CPA6: variants seen among roughly 807,000 people sequenced by gnomAD.
CPA6 encodes the protein carboxypeptidase B.
In CPA6, 58 loss-of-function variants were observed where a neutral mutation model predicts 63.3. The observed-to-expected ratio is 0.92, with a 90% confidence interval of 0.74 to 1.14. The LOEUF is 1.14. Among genes scored for constraint, CPA6 ranks in the 50% most tolerant of loss-of-function variants. The probability of loss-of-function intolerance (pLI) is 0.00; values close to 1 mark genes in which losing one functional copy is unlikely to be tolerated. For missense variants in CPA6, 565 were observed against 526.6 expected (o/e 1.07, Z -0.71); for synonymous variants, 185 against 179.0 (o/e 1.03, Z -0.27).
chr8:67,538,203 G>T (rs1812628804), intron 2 of CPA6, among the ~76,000 whole-genome samples: 1 of 152,150 alleles, frequency 6.6e-6, no homozygotes, highest in African/African-American at 2.4e-5. Flanking sequence ...TATTAGGTCT[G>T]CTTTGTCCAG....
At chr8:67,718,137 C>T (rs948613827) in intron 1 of CPA6, among the ~76,000 whole-genome samples, 6 of 152,114 alleles carry the variant, frequency 3.9e-5, no homozygotes, top group Non-Finnish European at 8.8e-5. Context: ...TCTGGGTCTA[C>T]CATTTTCTAG....
chr8:67,634,681 C>A (rs1037083024), intron 1 of CPA6, among the ~76,000 whole-genome samples: 3 of 151,510 alleles, frequency 2.0e-5, no homozygotes, highest in African/African-American at 7.3e-5. Context: ...TGAACCACTG[C>A]ATATTTTTTT....
In CPA6 at chr8:67,522,964, G is replaced by A. The variant is rs866998420; in HGVS notation, c.193-4917C>T. Among the ~76,000 whole-genome samples, 6 of 152,338 alleles carry A rather than the reference G, an allele frequency of 3.9e-5. No homozygotes were observed. In the East Asian group the frequency reaches 7.7e-4, roughly 20 times the overall value. On this transcript the variant is annotated intron_variant, in intron 2 of 10. Transcript: ENST00000297770. The stretch of plus-strand genomic sequence containing the variant: ...GATTTCTGGCTGACAAAGTGGTACC[G>A]AAGGAATCCTATAATAGTAGTAGTT...
intron 1 of CPA6, among the ~76,000 whole-genome samples, chr8:67,729,802 A>T (rs1817672284): frequency 6.6e-6 from 1 of 152,236 alleles, no homozygotes; most frequent in Admixed American, 6.5e-5. Flanking sequence ...AGGAGATGTA[A>T]ATCACCACTT....
rs936223013 is a variant in CPA6, at chr8:67,667,605, G to A, written c.117-43354C>T. ...TTTTGCAGATTTAAAGGGAGGATCG[G>A]CAAGGTTAGGTGACATCTGAGGGGG... On this transcript the variant is annotated intron_variant, in intron 1 of 10. Transcript: ENST00000297770. Among the ~76,000 whole-genome samples, 5 of 152,260 alleles carry A rather than the reference G, an allele frequency of 3.3e-5. No individual in the cohort carries two copies. In the East Asian group the frequency reaches 7.7e-4, roughly 23 times the overall value.
intron 8 of CPA6, among the ~76,000 whole-genome samples, chr8:67,474,395 G>C (rs1388704914): frequency 6.6e-6 from 1 of 151,790 alleles, no homozygotes. Flanking sequence ...CTAATTTTTT[G>C]TATTTTTAGT....
At chr8:67,615,035 G>A (rs576477970) in intron 2 of CPA6, among the ~76,000 whole-genome samples, 2 of 152,232 alleles carry the variant, frequency 1.3e-5, no homozygotes, top group Admixed American at 6.5e-5. Context: ...AATTCTTTTA[G>A]GTTATCGATA....
At chr8:67,489,210 G>T (rs552729958) in intron 6 of CPA6, among the ~76,000 whole-genome samples, 69 of 151,920 alleles carry the variant, frequency 4.5e-4, no homozygotes, top group African/African-American at 1.6e-3. Flanking sequence ...TTCCTAAAAT[G>T]CTGGGATTAC....
intron 2 of CPA6, among the ~76,000 whole-genome samples, chr8:67,584,439 G>C (rs760890098): frequency 7.9e-5 from 12 of 152,164 alleles, no homozygotes; most frequent in Non-Finnish European, 7.3e-5. Context: ...GTGAAGGAAT[G>C]CTAGGAGTGG....
chr8:67,590,833 G>A (rs1218845500), intron 2 of CPA6, among the ~76,000 whole-genome samples: 1 of 151,256 alleles, frequency 6.6e-6, no homozygotes, highest in Non-Finnish European at 1.5e-5. Flanking sequence ...CATTTTGTAG[G>A]TTGCCTGTTC....
intron 6 of CPA6, among the ~76,000 whole-genome samples, chr8:67,486,792 A>T (rs1252940373): frequency 6.6e-6 from 1 of 152,170 alleles, no homozygotes; most frequent in Non-Finnish European, 1.5e-5. Flanking sequence ...TAAAACAAAG[A>T]TACACTAAGA....
At chr8:67,467,151 A>T (rs1810944692) in intron 8 of CPA6, among the ~76,000 whole-genome samples, 1 of 152,046 alleles carries the variant, frequency 6.6e-6, no homozygotes, top group South Asian at 2.1e-4. Flanking sequence ...CTGTTTCTTT[A>T]TAATGTATTT....
At chr8:67,431,593 A>G (rs1302844620) in intron 9 of CPA6, among the ~76,000 whole-genome samples, 1 of 152,126 alleles carries the variant, frequency 6.6e-6, no homozygotes, top group Non-Finnish European at 1.5e-5. Flanking sequence ...AAACAGACAC[A>G]GTGCCCACGT....
chr8:67,487,149 C>T (rs1811496699), intron 6 of CPA6, among the ~76,000 whole-genome samples: 1 of 152,118 alleles, frequency 6.6e-6, no homozygotes, highest in Admixed American at 6.6e-5. Context: ...TGGTTTGCTG[C>T]ACCCATTAAC....
At chr8:67,445,338 G>T (rs1810387886) in intron 8 of CPA6, among the ~76,000 whole-genome samples, 1 of 152,148 alleles carries the variant, frequency 6.6e-6, no homozygotes, top group African/African-American at 2.4e-5. Context: ...GTGAATGGGT[G>T]GAATCAGCAA....
At chr8:67,713,393 TAGAG>T (rs1817313547) in intron 1 of CPA6, among the ~76,000 whole-genome samples, 1 of 152,098 alleles carries the variant, frequency 6.6e-6, no homozygotes, top group Non-Finnish European at 1.5e-5. Context: ...GAAGCCTAAA[TAGAG>T]AGAACCTGAT....
chr8:67,547,724 G>T (rs151131796), intron 2 of CPA6, among the ~76,000 whole-genome samples: 1 of 151,896 alleles, frequency 6.6e-6, no homozygotes, highest in Non-Finnish European at 1.5e-5. Flanking sequence ...TGAACTCCTG[G>T]GCTCATGCAA....
intron 1 of CPA6, among the ~76,000 whole-genome samples, chr8:67,678,742 T>C (rs1816531848): frequency 6.6e-6 from 1 of 152,206 alleles, no homozygotes; most frequent in Non-Finnish European, 1.5e-5. Flanking sequence ...GACTCAGCAA[T>C]TCATACCATA....
chr8:67,719,487 G>C (rs1186236550), intron 1 of CPA6, among the ~76,000 whole-genome samples: 3 of 152,132 alleles, frequency 2.0e-5, no homozygotes, highest in Non-Finnish European at 4.4e-5. Context: ...AGTTATGGAG[G>C]GCCTTGGATG....
Sources: gnomAD v4.1 joint callset for allele counts (sites outside exome capture counted in the v4.1 genomes callset) on GRCh38, gnomAD v4.1.1 for gene constraint, MANE v1.5 for transcripts, NCBI Gene and HGNC (gene_info 2026-07-23, HGNC 2026-07-21) for gene names.